The following DENND2B variants were observed in gnomAD, a reference collection of about 807,000 sequenced individuals.
DENND2B encodes the protein DENN domain-containing protein 2B.
A neutral mutation model predicts 116.0 loss-of-function variants in DENND2B; 32 were observed. The observed-to-expected ratio is 0.28, with a 90% CI of 0.21 to 0.37. DENND2B has a LOEUF of 0.37. Among genes scored for constraint, DENND2B ranks in the 10% least tolerant of loss-of-function variants. DENND2B has a pLI of 1.00. For missense variants in DENND2B, 1,276 were observed against 1,477.7 expected (o/e 0.86, Z 2.24); for synonymous variants, 588 against 583.9 (o/e 1.01, Z -0.10).
chr11:8,868,532 G>A (rs10840137), intron 2 of DENND2B, among the ~76,000 whole-genome samples: 41,600 of 152,018 alleles, frequency 0.27, 5,983 homozygotes, highest in East Asian at 0.54. Flanking sequence ...CCAGGCATTG[G>A]AATTCCAGCT....
chr11:8,813,849 C>A (rs1265586021), upstream of DENND2B, among the ~76,000 whole-genome samples: 7 of 152,186 alleles, frequency 4.6e-5, no homozygotes, highest in African/African-American at 1.4e-4. Flanking sequence ...ACTGAGAGAA[C>A]TGGAATCCCT....
At chr11:8,694,380 T>C (rs1260581931) in intron 19 of DENND2B, among the ~76,000 whole-genome samples, 1 of 152,206 alleles carries the variant, frequency 6.6e-6, no homozygotes, top group African/African-American at 2.4e-5. Context: ...AACAGAAACA[T>C]GCTATGATTC....
At chr11:8,708,429 G>A (rs1160688742) in intron 11 of DENND2B, 1 of 707,168 alleles carries the variant, frequency 1.4e-6, no homozygotes, top group African/African-American at 1.9e-5. Flanking sequence ...CAAGAGATTT[G>A]TGAGAGAGGG....
intron 1 of DENND2B, among the ~76,000 whole-genome samples, chr11:8,764,116 A>G (rs1271159518): frequency 1.3e-5 from 2 of 152,144 alleles, no homozygotes; most frequent in Non-Finnish European, 2.9e-5. Flanking sequence ...CCTACTCAGG[A>G]GGCTGGGGCA....
chr11:8,836,771 G>A (rs1288026946), intron 4 of DENND2B, among the ~76,000 whole-genome samples: 3 of 152,178 alleles, frequency 2.0e-5, no homozygotes, highest in Non-Finnish European at 4.4e-5. Context: ...CTGGAGTGCA[G>A]TGGCACGATC....
At chr11:8,879,686 C>T (rs1293079628) in intron 2 of DENND2B, among the ~76,000 whole-genome samples, 2 of 151,870 alleles carry the variant, frequency 1.3e-5, no homozygotes, top group Non-Finnish European at 2.9e-5. Context: ...AAAAAAAAAT[C>T]ACCCGAGAAG....
At chr11:8,863,320 G>T (rs370207709) in intron 2 of DENND2B, among the ~76,000 whole-genome samples, 2 of 56,856 alleles carry the variant, frequency 3.5e-5, no homozygotes, top group African/African-American at 1.2e-4. Flanking sequence ...GCAGTGGCAC[G>T]ATCTCGGCTC....
intron 1 of DENND2B, among the ~76,000 whole-genome samples, chr11:8,798,594 G>C (rs999560999): frequency 1.3e-5 from 2 of 152,072 alleles, no homozygotes; most frequent in African/African-American, 4.8e-5. Context: ...AGGCCATGTA[G>C]ACATCTGGCC....
intron 2 of DENND2B, among the ~76,000 whole-genome samples, chr11:8,877,255 C>A (rs537852894): frequency 6.6e-6 from 1 of 151,824 alleles, no homozygotes; most frequent in African/African-American, 2.4e-5. Context: ...AGGTGCCCAC[C>A]ACCATGCCCA....
intron 3 of DENND2B, among the ~76,000 whole-genome samples, chr11:8,846,550 C>G (rs542334126): frequency 2.6e-5 from 4 of 152,144 alleles, no homozygotes; most frequent in Admixed American, 6.5e-5. Context: ...CAGGGCAGAA[C>G]CTACAGATGG....
intron 1 of DENND2B, among the ~76,000 whole-genome samples, chr11:8,755,323 T>A (rs1212922960): frequency 1.3e-5 from 2 of 152,220 alleles, no homozygotes; most frequent in Non-Finnish European, 2.9e-5. Context: ...ACTTATTACT[T>A]TGGTGCAAAT....
chr11:8,699,460 G>C, intron 14 of DENND2B, 70 bp from the exon 15 acceptor site: 1 of 1,473,882 alleles, frequency 6.8e-7, no homozygotes, highest in Non-Finnish European at 9.1e-7. Flanking sequence ...TGGAGGCTCA[G>C]GACAGCCTTT....
intron 1 of DENND2B, chr11:8,771,536 A>AGC (rs2056866157): frequency 1.6e-5 from 1 of 61,548 alleles, no homozygotes; most frequent in African/African-American, 3.6e-5. Context: ...ATACAGAGAG[A>AGC]GAGAGAGAGA....
At chr11:8,796,748 T>C (rs2059847677) in intron 1 of DENND2B, among the ~76,000 whole-genome samples, 1 of 152,158 alleles carries the variant, frequency 6.6e-6, no homozygotes, top group Non-Finnish European at 1.5e-5. Flanking sequence ...TCCATCTTCT[T>C]ATACAATAGG....
intron 1 of DENND2B, among the ~76,000 whole-genome samples, chr11:8,786,870 G>A (rs1285600378): frequency 6.6e-6 from 1 of 152,050 alleles, no homozygotes; most frequent in East Asian, 1.9e-4. Context: ...ACAGCTGCAT[G>A]CTCTCCTTTT....
At chr11:8,810,718 C>T (rs1451679952), upstream of DENND2B, 1 of 152,278 alleles carries the variant, frequency 6.6e-6, no homozygotes, top group Non-Finnish European at 1.5e-5. Flanking sequence ...CATGGAGACC[C>T]TGTCCTCGCT....
intron 6 of DENND2B, 159 bp downstream of exon 6, chr11:8,715,444 G>A: frequency 3.0e-6 from 2 of 662,444 alleles, no homozygotes; most frequent in Non-Finnish European, 5.1e-6. Context: ...GAATTAATCA[G>A]ATGAAAAAGA....
At chr11:8,714,569 G>T in intron 7 of DENND2B, 41 bp downstream of exon 7, 1 of 1,559,774 alleles carries the variant, frequency 6.4e-7, no homozygotes. Context: ...TAATGCCCAA[G>T]GGCCCCAAAC....
Position 8,702,764 on chromosome 11 carries a change from G to A in DENND2B, c.2572-44C>T, listed in dbSNP as rs1471307388. 1 of 1,599,958 alleles carries A rather than the reference G, an allele frequency of 6.3e-7. No individual in the cohort carries two copies. The highest frequency in any genetic ancestry group is 8.5e-7 in the Non-Finnish European group (1 of 1,174,324). On this transcript the variant is annotated intron_variant, in intron 13 of 19. Transcript: ENST00000313726. This position sits in a 1 kb window ranked among gnomAD's most constrained non-coding sequence, Gnocchi z 4.6. ...AAAGTGGGCCGGGGCCAGCCAAGTGGGTGCTGCCCTCTGGCCCTCCACGAA... is the reference window on the plus strand; with the variant it reads ...AAAGTGGGCCGGGGCCAGCCAAGTGAGTGCTGCCCTCTGGCCCTCCACGAA...
Sources: gnomAD v4.1 joint callset for allele counts (sites outside exome capture counted in the v4.1 genomes callset) on GRCh38, gnomAD v4.1.1 for gene constraint, Gnocchi (gnomAD v3.1) non-coding constraint, MANE v1.5 for transcripts, NCBI Gene and HGNC (gene_info 2026-07-23, HGNC 2026-07-21) for gene names.